Variants in NEDD4L observed in about 807,000 individuals in gnomAD.
NEDD4L encodes the protein E3 ubiquitin-protein ligase NEDD4-like.
A neutral mutation model predicts 148.9 loss-of-function variants in NEDD4L; 54 were observed. The observed-to-expected ratio is 0.36, with a 90% CI of 0.29 to 0.45. The LOEUF (loss-of-function observed/expected upper bound fraction) is 0.45, where lower values mean the gene tolerates loss of function less well. NEDD4L is among the 20% of genes least tolerant of loss of function. The pLI, the probability that NEDD4L is intolerant of heterozygous loss-of-function variation, is 1.00. For missense variants in NEDD4L, 856 were observed against 1,233.8 expected (o/e 0.69, Z 4.59); for synonymous variants, 433 against 440.7 (o/e 0.98, Z 0.22).
intron 18 of NEDD4L, among the ~76,000 whole-genome samples, chr18:58,356,753 A>G (rs2044719560): frequency 6.6e-6 from 1 of 152,206 alleles, no homozygotes; most frequent in Non-Finnish European, 1.5e-5. Context: ...CAGTTTTTCA[A>G]CACCATAAGT....
At chr18:58,066,338 G>A (rs887351687) in intron 1 of NEDD4L, among the ~76,000 whole-genome samples, 1 of 127,310 alleles carries the variant, frequency 7.9e-6, no homozygotes, top group African/African-American at 3.0e-5. Context: ...GCTTGTTTGG[G>A]AATTGGGTTT....
intron 5 of NEDD4L, among the ~76,000 whole-genome samples, chr18:58,306,782 C>G (rs1015285973): frequency 3.9e-5 from 6 of 152,132 alleles, no homozygotes; most frequent in African/African-American, 1.2e-4. Context: ...ACCGCCACCA[C>G]GCCCGGCTAA....
intron 2 of NEDD4L, among the ~76,000 whole-genome samples, chr18:58,192,576 G>A (rs552191353): frequency 6.6e-6 from 1 of 152,274 alleles, no homozygotes; most frequent in African/African-American, 2.4e-5. Context: ...TCACTTTAAT[G>A]GTTTTTCCTA....
At chr18:58,094,651 C>T (rs1250865634) in intron 1 of NEDD4L, among the ~76,000 whole-genome samples, 1 of 152,200 alleles carries the variant, frequency 6.6e-6, no homozygotes, top group African/African-American at 2.4e-5. Flanking sequence ...AATCACACCT[C>T]AGAGCCCTTC....
At position 58,198,971 on chromosome 18, in the gene NEDD4L, T is replaced by C. The variant is rs187058363; in HGVS notation, c.122+33110T>C. Among the ~76,000 whole-genome samples, 660 of 152,318 alleles carry C rather than the reference T, an allele frequency of 4.3e-3. 2 individuals are homozygous for C. Among genetic ancestry groups the C allele is most frequent in the African/African-American group, 0.015 (625 of 41,586 alleles). On this transcript the variant is annotated intron_variant, in intron 2 of 30. Transcript: ENST00000400345. ...AGGTGCTAGCTAATGTTTGTATTTT[T>C]AGTAGAGACGGGGTTTTGCCATGTT... is the stretch of plus-strand genomic sequence containing the variant.
chr18:58,127,059 T>C (rs1188410419), intron 1 of NEDD4L, among the ~76,000 whole-genome samples: 2 of 152,200 alleles, frequency 1.3e-5, no homozygotes, highest in East Asian at 3.9e-4. Flanking sequence ...GTCACCTTCT[T>C]CTCTGCTTAC....
chr18:58,082,254 C>G lies in NEDD4L; in HGVS notation c.48+37546C>G, dbSNP rs368911768. ...TCCCAAGTAGCTGGGATTACAGGAG[C>G]CTGCCACAACGCCCGGCTAATTTTT... On this transcript the variant is annotated intron_variant, in intron 1 of 30. Coordinates refer to ENST00000400345, the MANE Select transcript of NEDD4L (RefSeq NM_001144967.3). Among the ~76,000 whole-genome samples the G allele has an allele frequency of 7.8e-4, 116 of 148,768 alleles. 1 individual carries two copies. In the South Asian group the frequency reaches 0.013, roughly 16 times the overall value.
chr18:58,333,417 C>T (rs2041291693), intron 11 of NEDD4L, among the ~76,000 whole-genome samples: 1 of 152,134 alleles, frequency 6.6e-6, no homozygotes, highest in Admixed American at 6.5e-5. Flanking sequence ...GTTGGGTAGC[C>T]ACATATCACT....
Position 58,357,260 on chromosome 18 carries a change from T to C in NEDD4L, c.1767+8T>C. The C allele has an allele frequency of 1.2e-6, 2 of 1,611,736 alleles. No individual in the cohort carries two copies. The highest frequency in any genetic ancestry group is 1.7e-6 in the Non-Finnish European group (2 of 1,177,850). ...CCAGCTATTACTGGTCCGGTCAGTATTTTCAAATTCTGCCTCTTCAGTATA... is the reference window on the plus strand; with the variant it reads ...CCAGCTATTACTGGTCCGGTCAGTACTTTCAAATTCTGCCTCTTCAGTATA... On this transcript the variant is annotated splice_region_variant and intron_variant, in intron 19 of 30. Coordinates refer to ENST00000400345, the MANE Select transcript of NEDD4L (RefSeq NM_001144967.3).
intron 2 of NEDD4L, among the ~76,000 whole-genome samples, chr18:58,244,852 T>C (rs1378432932): frequency 6.6e-6 from 1 of 152,052 alleles, no homozygotes; most frequent in Non-Finnish European, 1.5e-5. Context: ...CCTGCCACCA[T>C]GCCCAGCTGA....
chr18:58,099,741 C>G (rs1349109122), intron 1 of NEDD4L, among the ~76,000 whole-genome samples: 1 of 152,146 alleles, frequency 6.6e-6, no homozygotes, highest in Non-Finnish European at 1.5e-5. Context: ...GAGGTAGACT[C>G]TAAGGGGTGT....
chr18:58,344,127 A>C (rs1054385392), intron 16 of NEDD4L, among the ~76,000 whole-genome samples: 1 of 152,216 alleles, frequency 6.6e-6, no homozygotes, highest in Non-Finnish European at 1.5e-5. Context: ...AACAATAAAC[A>C]TACACCATTA....
intron 2 of NEDD4L, among the ~76,000 whole-genome samples, chr18:58,204,296 A>C (rs1045916114): frequency 1.3e-5 from 2 of 152,056 alleles, no homozygotes; most frequent in African/African-American, 2.4e-5. Flanking sequence ...CCACTGCACT[A>C]CAGCCTGGGC....
chr18:58,184,563 G>A (rs186373324), intron 2 of NEDD4L, among the ~76,000 whole-genome samples: 43 of 152,276 alleles, frequency 2.8e-4, no homozygotes, highest in African/African-American at 1.0e-3. Flanking sequence ...AGTTCATAAA[G>A]TTTCTGTAAA....
At chr18:58,245,157 G>A (rs1354064954) in intron 2 of NEDD4L, among the ~76,000 whole-genome samples, 2 of 152,074 alleles carry the variant, frequency 1.3e-5, no homozygotes, top group Non-Finnish European at 2.9e-5. Context: ...ATCTGTGTGC[G>A]TTTTAATCTT....
chr18:58,121,431 CT>C (rs112023092), intron 1 of NEDD4L, among the ~76,000 whole-genome samples: 75 of 147,056 alleles, frequency 5.1e-4, no homozygotes, highest in Admixed American at 4.8e-4. Context: ...TTCTTTCATT[CT>C]TTTTTTTTTT....
At position 58,391,689 on chromosome 18, in the gene NEDD4L, T is replaced by C. The variant is rs1261344369; in HGVS notation, c.2825+130T>C. On this transcript the variant is annotated intron_variant, in intron 30 of 30. Transcript: ENST00000400345. ...AGCTTAGAGAATTAAAGGACAGTGA[T>C]GTGGATGAAAATAGAAATTGTACAG... The C allele has an allele frequency of 9.0e-6, 6 of 669,160 alleles. No individual in the cohort carries two copies. In the East Asian group the frequency reaches 1.4e-4, roughly 15 times the overall value. 41.5% of individuals were successfully genotyped at this position (669,160 alleles called of 1,614,324 possible).
chr18:58,132,517 G>C (rs2032297990), intron 1 of NEDD4L, among the ~76,000 whole-genome samples: 1 of 152,198 alleles, frequency 6.6e-6, no homozygotes, highest in Non-Finnish European at 1.5e-5. Flanking sequence ...ATGGGGTAGT[G>C]GTACAGTTCC....
intron 23 of NEDD4L, chr18:58,372,040 C>T (rs1479164327): frequency 6.6e-6 from 1 of 152,146 alleles, no homozygotes; most frequent in Non-Finnish European, 1.5e-5. Context: ...CTGACATTAA[C>T]CTGGAGAGTG....
Sources: gnomAD v4.1 joint callset for allele counts (sites outside exome capture counted in the v4.1 genomes callset) on GRCh38, gnomAD v4.1.1 for gene constraint, MANE v1.5 for transcripts, NCBI Gene and HGNC (gene_info 2026-07-23, HGNC 2026-07-21) for gene names.